Variants in ATP11A observed in about 807,000 individuals in gnomAD.
The protein encoded by ATP11A is ATPase phospholipid transporting 11A.
In ATP11A, 81 loss-of-function variants were observed where a neutral mutation model predicts 154.4. The observed-to-expected ratio is 0.52, with a 90% confidence interval of 0.44 to 0.63. The LOEUF is 0.63. ATP11A is among the 30% of genes least tolerant of loss of function. The pLI is 0.00. For missense variants in ATP11A, 1,316 were observed against 1,474.3 expected, an observed-to-expected ratio of 0.89 and a Z score of 1.76; for synonymous variants, 623 against 585.9, an observed-to-expected ratio of 1.06 and a Z score of -0.91.
chr13:112,862,114 G>A (rs1157933479), intron 24 of ATP11A, among the ~76,000 whole-genome samples: 3 of 152,228 alleles, frequency 2.0e-5, no homozygotes, highest in African/African-American at 7.2e-5. Context: ...CAAGCTCGGT[G>A]AACGTCAGGG....
At chr13:112,815,380 T>A (rs1311577179) in intron 5 of ATP11A, among the ~76,000 whole-genome samples, 5 of 145,896 alleles carry the variant, frequency 3.4e-5, no homozygotes, top group Admixed American at 3.4e-4. Context: ...TTCCTCACCC[T>A]TCAGACACAC....
At chr13:112,695,126 G>A (rs1030442242) in intron 1 of ATP11A, among the ~76,000 whole-genome samples, 9 of 152,122 alleles carry the variant, frequency 5.9e-5, no homozygotes, top group African/African-American at 2.2e-4. Context: ...CCTAATCCAG[G>A]ATTAGACGAT....
rs374575288 is a variant in ATP11A at position 112,881,264 on chromosome 13, G to T, written c.*10-612G>T. 82 of 992,350 alleles carry T rather than the reference G, an allele frequency of 8.3e-5. No homozygotes were observed. The African/African-American group carries it at 1.3e-3, about 16-fold the overall frequency. The allele number at this position is 992,350 out of a possible 1,614,324, so 61.5% of individuals were successfully genotyped here. ...AGACCCACAGGGCCCGTGCACATCC[G>T]GGGCCCCAGTGGGCTGTCAGAAGCC... is the stretch of plus-strand genomic sequence containing the variant. On this transcript the variant is annotated intron_variant, in intron 29 of 29. Coordinates refer to ENST00000375645, the MANE Select transcript of ATP11A (RefSeq NM_015205.3).
At position 112,807,375 on chromosome 13, in the gene ATP11A, T is replaced by C. The variant is rs2078351764; in HGVS notation, c.333+1082T>C. Among the ~76,000 whole-genome samples the C allele has an allele frequency of 1.3e-5, 2 of 152,184 alleles. No homozygotes were observed. Among genetic ancestry groups the C allele is most frequent in the South Asian group, 4.1e-4 (2 of 4,824 alleles). ...ACTAGGATATTCATGGTGGCTGTCATTGATTAGCAAAGGACTCGGGCAACC... is the reference window on the plus strand; with the variant it reads ...ACTAGGATATTCATGGTGGCTGTCACTGATTAGCAAAGGACTCGGGCAACC... On this transcript the variant is annotated intron_variant, in intron 4 of 29. Transcript: ENST00000375645. This position sits in a 1 kb window ranked among gnomAD's most constrained non-coding sequence, Gnocchi z 4.5.
intron 1 of ATP11A, among the ~76,000 whole-genome samples, chr13:112,711,151 G>A (rs1038333285): frequency 1.3e-5 from 2 of 152,236 alleles, no homozygotes; most frequent in Admixed American, 1.3e-4. Flanking sequence ...CAGCTGGGCC[G>A]CGTGCGGCTC....
rs137968631 is a variant in ATP11A at position 112,752,244 on chromosome 13, G to A, written c.40-32891G>A. On this transcript the variant is annotated intron_variant, in intron 1 of 29. Coordinates refer to ENST00000375645, the MANE Select transcript of ATP11A (RefSeq NM_015205.3). ...AACAGTGACGGCGGCTGTGTCAGGT[G>A]GGGATGTACATGGAGAAGAAAATGG... Among the ~76,000 whole-genome samples, 50 of 152,342 alleles carry A rather than the reference G, an allele frequency of 3.3e-4. 2 individuals carry two copies. The East Asian group carries it at 9.4e-3, about 29-fold the overall frequency.
At chr13:112,863,555 A>G (rs376354441) in intron 25 of ATP11A, among the ~76,000 whole-genome samples, 550 of 90,412 alleles carry the variant, frequency 6.1e-3, no homozygotes, top group African/African-American at 0.02. Flanking sequence ...TCCCAGCGGG[A>G]TCCATCACCA....
intron 6 of ATP11A, among the ~76,000 whole-genome samples, chr13:112,818,941 C>T (rs953239962): frequency 2.6e-5 from 4 of 152,194 alleles, no homozygotes; most frequent in East Asian, 1.9e-4. Context: ...ATCCTGTGAC[C>T]GCTCCCCGTA....
chr13:112,712,003 C>A (rs182988824), intron 1 of ATP11A, among the ~76,000 whole-genome samples: 11 of 152,314 alleles, frequency 7.2e-5, no homozygotes, highest in Admixed American at 5.9e-4. Context: ...TGGGTAGCAA[C>A]GTGCTGAACC....
chr13:112,839,649 G>A (rs1166888070), intron 16 of ATP11A, among the ~76,000 whole-genome samples: 1 of 152,136 alleles, frequency 6.6e-6, no homozygotes, highest in African/African-American at 2.4e-5. Flanking sequence ...GTGTGTGCAC[G>A]GTCTTCAGTT....
intron 1 of ATP11A, among the ~76,000 whole-genome samples, chr13:112,758,475 G>T (rs530460139): frequency 1.3e-5 from 2 of 151,146 alleles, no homozygotes; most frequent in South Asian, 4.2e-4. Flanking sequence ...CCAGGCTGGA[G>T]TGCAGTGGCA....
At chr13:112,845,943 T>C (rs2079594622) in intron 17 of ATP11A, among the ~76,000 whole-genome samples, 1 of 152,228 alleles carries the variant, frequency 6.6e-6, no homozygotes, top group Admixed American at 6.5e-5. Context: ...TTCTTCCGCC[T>C]GTTGGCAGAC....
intron 1 of ATP11A, among the ~76,000 whole-genome samples, chr13:112,715,522 CA>C (rs11289624): frequency 0.097 from 1,614 of 16,568 alleles, 212 homozygotes; most frequent in East Asian, 0.64. Flanking sequence ...GGCCGATCCC[CA>C]CCCTTCACTT....
intron 22 of ATP11A, chr13:112,858,963 T>C (rs967761240): frequency 7.9e-6 from 2 of 252,572 alleles, no homozygotes; most frequent in East Asian, 2.1e-4. Context: ...GGTCTGGGAA[T>C]GTACCCCTGA....
At chr13:112,836,542 T>A (rs1040829394) in intron 16 of ATP11A, among the ~76,000 whole-genome samples, 1 of 152,164 alleles carries the variant, frequency 6.6e-6, no homozygotes, top group African/African-American at 2.4e-5. Flanking sequence ...TTAATTCCAT[T>A]TGTGAAAGTT....
chr13:112,787,409 G>A (rs1447212272), intron 2 of ATP11A, among the ~76,000 whole-genome samples: 1 of 129,560 alleles, frequency 7.7e-6, no homozygotes, highest in Non-Finnish European at 1.5e-5. Context: ...GTCCTAATGT[G>A]TAGACCCCTG....
At chr13:112,728,617 G>A (rs1190466213) in intron 1 of ATP11A, among the ~76,000 whole-genome samples, 3 of 141,668 alleles carry the variant, frequency 2.1e-5, no homozygotes, top group Non-Finnish European at 4.6e-5. Context: ...GAGACCGTGC[G>A]GCCCGCCTCC....
chr13:112,810,515 T>G lies in ATP11A; in HGVS notation c.334-104T>G, dbSNP rs1406988249. The stretch of plus-strand genomic sequence containing the variant: ...AAAATACACCCCCACAGGCTTGGAT[T>G]ATGCTTAGACATAATTAAACACAAG... On this transcript the variant is annotated intron_variant, in intron 4 of 29. Transcript: ENST00000375645. 3.2e-6 allele frequency: 3 copies of G among 943,686 alleles called. No homozygotes were observed. In the African/African-American group the frequency reaches 4.8e-5, roughly 15 times the overall value. 58.5% of individuals were successfully genotyped at this position (943,686 alleles called of 1,614,324 possible). A position where few individuals can be genotyped will look rare whatever the true frequency, so the allele number is the denominator to read the frequency against.
rs1186083867 is a variant in ATP11A at position 112,715,543 on chromosome 13, C to A, written c.39+25088C>A. On this transcript the variant is annotated intron_variant, in intron 1 of 29. Coordinates refer to ENST00000375645, the MANE Select transcript of ATP11A (RefSeq NM_015205.3). ...TCCCCACCCTTCACTTGGCTGAGGC[C>A]CCCCCCCACCTGCCTGATCCTCCCC... 1.8e-4 allele frequency among the ~76,000 whole-genome samples: 11 copies of A among 59,944 alleles called. 1 individual carries two copies. The highest frequency in any genetic ancestry group is 4.8e-4 in the African/African-American group (11 of 22,858). 39.3% of individuals were successfully genotyped at this position (59,944 alleles called of 152,430 possible).
Sources: gnomAD v4.1 joint callset for allele counts (sites outside exome capture counted in the v4.1 genomes callset) on GRCh38, gnomAD v4.1.1 for gene constraint, Gnocchi (gnomAD v3.1) non-coding constraint, MANE v1.5 for transcripts, NCBI Gene and HGNC (gene_info 2026-07-23, HGNC 2026-07-21) for gene names.